The following ZKSCAN2 variants were observed in gnomAD, a reference collection of about 807,000 sequenced individuals.
ZKSCAN2 encodes zinc finger with KRAB and SCAN domains 2.
Under a neutral mutation model 90.5 loss-of-function variants are expected in ZKSCAN2, and 38 were observed. That is an observed-to-expected ratio of 0.42 (90% CI 0.32 to 0.55). ZKSCAN2 has a LOEUF of 0.55. Ranked by LOEUF, ZKSCAN2 falls within the 20% of genes least tolerant of loss-of-function variation. The pLI is 0.11. For synonymous variants in ZKSCAN2, 429 were observed against 421.6 expected, an observed-to-expected ratio of 1.02 and a Z score of -0.22; for missense variants, 1,167 against 1,202.6, an observed-to-expected ratio of 0.97 and a Z score of 0.44.
In ZKSCAN2 at chr16:25,240,483, C is replaced by T; in HGVS notation, c.2237G>A (p.Arg746Lys). The change falls in exon 7 of 7, where the codon AGA becomes AAA. Residue 746 changes from arginine (R) to lysine (K), a missense_variant. Arg to Lys is a conservative substitution (Grantham distance 26, BLOSUM62 2). Transcript: ENST00000328086. ...VVHQRPFVGK[R>K]PYRLLKYGES... ...TCCATATTTGAGAAGTCTGTAGGGT[C>T]TCTTCCCCACAAAAGGCCTCTGATG... 1 of 1,614,148 alleles carries T rather than the reference C, an allele frequency of 6.2e-7. No homozygotes were observed. Among genetic ancestry groups the T allele is most frequent in the Non-Finnish European group, 8.5e-7 (1 of 1,180,026 alleles).
At chr16:25,242,592 C>G (rs186342763) in intron 6 of ZKSCAN2, among the ~76,000 whole-genome samples, 16 of 152,236 alleles carry the variant, frequency 1.1e-4, no homozygotes, top group Admixed American at 9.2e-4. Flanking sequence ...AGAATTTGGA[C>G]ATGGAGATAT....
Position 25,246,826 on chromosome 16 carries a change from T to C in ZKSCAN2, c.1370A>G (p.His457Arg), listed in dbSNP as rs780545200. 1.9e-6 allele frequency: 3 copies of C among 1,614,132 alleles called. No individual in the cohort carries two copies. In the African/African-American group the frequency reaches 4.0e-5, roughly 22 times the overall value. Residue 457 changes from histidine to arginine, a missense_variant, in exon 5 of 7, where the codon CAC becomes CGC. His to Arg is a conservative substitution (Grantham distance 29, BLOSUM62 0). Transcript: ENST00000328086. ...LKRIAISAKE[H>R]ISLVEEEEAA... ...TTCCTCCTCCTCCACCAAGCTGATG[T>C]GTTCCTTAGCACTGATGGCAATTCT...
chr16:25,256,627 A>G, intron 1 of ZKSCAN2, 102 bp downstream of exon 1: 1 of 1,345,216 alleles, frequency 7.4e-7, no homozygotes. Flanking sequence ...AGTACCATTT[A>G]TCTTTCTCTG....
chr16:25,243,747 C>T (rs779765487), intron 6 of ZKSCAN2, 38 bp downstream of exon 6: 104 of 988,536 alleles, frequency 1.1e-4, no homozygotes, highest in Non-Finnish European at 1.3e-4. Flanking sequence ...CACACTTATT[C>T]CTCTTTTGGA....
chr16:25,239,711 CAA>C lies in ZKSCAN2; in HGVS notation c.*103_*104del. On this transcript the variant is annotated 3_prime_UTR_variant, in exon 7 of 7. Coordinates refer to ENST00000328086, the MANE Select transcript of ZKSCAN2 (RefSeq NM_001012981.5). ...AAAGTGTTTAGTTTATTTATATTCT[CAA>C]GTTTATCTTGGAAATTACACTTCAT... 9 of 1,022,802 alleles carry C rather than the reference CAA, an allele frequency of 8.8e-6. No individual in the cohort carries two copies. The highest frequency in any genetic ancestry group is 1.3e-5 in the Non-Finnish European group (9 of 698,714). 63.4% of individuals were successfully genotyped at this position (1,022,802 alleles called of 1,614,324 possible).
At chr16:25,250,712 C>T (rs981047909) in intron 4 of ZKSCAN2, among the ~76,000 whole-genome samples, 3 of 151,956 alleles carry the variant, frequency 2.0e-5, no homozygotes, top group Non-Finnish European at 2.9e-5. Context: ...CATCAAGTTG[C>T]AATATGACAT....
chr16:25,247,050 T>A lies in ZKSCAN2; in HGVS notation c.1146A>T (p.Arg382=). 1 of 1,614,192 alleles carries A rather than the reference T, an allele frequency of 6.2e-7. No homozygotes were observed. The highest frequency in any genetic ancestry group is 8.5e-7 in the Non-Finnish European group (1 of 1,180,040). Residue 382 remains arginine, a synonymous_variant, in exon 5 of 7, where the codon CGA becomes CGT. Transcript: ENST00000328086. ...QVYGAVAEWL[R]ECGFLRTPEQ... ...CTGGGGTTCTAAGGAAGCCACATTC[T>A]CGCAACCATTCAGCCACAGCACCAT...
At position 25,255,214 on chromosome 16, in the gene ZKSCAN2, G is replaced by A; in HGVS notation, c.578C>T (p.Pro193Leu). 6.2e-7 allele frequency: 1 copy of A among 1,603,246 alleles called. No homozygotes were observed. The highest frequency in any genetic ancestry group is 8.5e-7 in the Non-Finnish European group (1 of 1,176,794). Residue 193 changes from proline to leucine, a missense_variant, in exon 2 of 7, where the codon CCC becomes CTC. Pro to Leu is a moderately conservative substitution (Grantham distance 98, BLOSUM62 -3). Transcript: ENST00000328086. Reference sequence around the variant, plus strand: ...CGAGTCTTCCCTCTTACCATTCTTGGGTAAGGGCCGACGTTCTCGCTTTCG... The same window carrying A: ...CGAGTCTTCCCTCTTACCATTCTTGAGTAAGGGCCGACGTTCTCGCTTTCG... ...LNRKRERRPL[P>L]KNARPSPWVP...
rs550262792 is a variant in ZKSCAN2 at position 25,253,551 on chromosome 16, T to C, written c.587-514A>G. 2.6e-5 allele frequency among the ~76,000 whole-genome samples: 4 copies of C among 152,324 alleles called. No individual in the cohort carries two copies. In the South Asian group the frequency reaches 8.3e-4, roughly 32 times the overall value. ...TAAAACAGTATAGTAGTACTGAATC[T>C]TGCCTCTCAGTGAAGGGCTGGGTAA... is the stretch of plus-strand genomic sequence containing the variant. On this transcript the variant is annotated intron_variant, in intron 2 of 6. Transcript: ENST00000328086.
In ZKSCAN2 at chr16:25,243,946, CCT is replaced by C. The variant is rs1211076736; in HGVS notation, c.1818_1819del (p.Gly608TyrfsTer2). ...TTCCTGGGGTTCAACCTCAATACCC[CCT>C]CTTTCTTGCCTTGAAGGTGATGGGA... On this transcript the variant is annotated frameshift_variant, in exon 6 of 7. Transcript: ENST00000328086. LOFTEE classifies it high-confidence loss of function. 6.2e-6 allele frequency: 10 copies of C among 1,614,022 alleles called. No individual in the cohort carries two copies. The highest frequency in any genetic ancestry group is 1.6e-4 in the Middle Eastern group (1 of 6,082).
At chr16:25,255,714 T>C (rs1963090866) in intron 1 of ZKSCAN2, among the ~76,000 whole-genome samples, 1 of 152,214 alleles carries the variant, frequency 6.6e-6, no homozygotes. Flanking sequence ...CCCAAGTAGC[T>C]GGGATTACAG....
In ZKSCAN2 at chr16:25,246,958, A is replaced by G. The variant is rs748332653; in HGVS notation, c.1238T>C (p.Leu413Pro). The change falls in exon 5 of 7, where the codon CTA (leucine) becomes CCA (proline). Residue 413 changes from leucine to proline, a missense_variant. Transcript: ENST00000328086. ...GTCCTCAAAGAAGGCGCAGGGTTCT[A>G]GCATGTGGCCATTTCTCACCTTTCG... Reference protein sequence around the residue: ...SYRKVRNGHMLEPCAFFEDMD... With the variant: ...SYRKVRNGHMPEPCAFFEDMD... 1 of 1,614,184 alleles carries G rather than the reference A, an allele frequency of 6.2e-7. No homozygotes were observed. Among genetic ancestry groups the G allele is most frequent in the Admixed American group, 1.7e-5 (1 of 60,020 alleles).
chr16:25,253,227 G>A (rs1171329628), intron 2 of ZKSCAN2, among the ~76,000 whole-genome samples, 190 bp from the exon 3 acceptor site: 2 of 152,068 alleles, frequency 1.3e-5, no homozygotes, highest in East Asian at 1.9e-4. Context: ...AATGCTTTCC[G>A]GGGGTAAGCA....
At position 25,256,601 on chromosome 16, in the gene ZKSCAN2, T is replaced by C. The variant is rs1597648611; in HGVS notation, c.399+128A>G. 6.9e-6 allele frequency: 7 copies of C among 1,017,898 alleles called. No individual in the cohort carries two copies. In the East Asian group the frequency reaches 1.5e-4, roughly 21 times the overall value. 63.1% of individuals were successfully genotyped at this position (1,017,898 alleles called of 1,614,324 possible). On this transcript the variant is annotated intron_variant, in intron 1 of 6. Transcript: ENST00000328086. ...TTCACTTAAAGTGAAAAGACCCCCT[T>C]ATAGGGTCTTTTATTAGTACCATTT... is the stretch of plus-strand genomic sequence containing the variant.
intron 5 of ZKSCAN2, chr16:25,246,414 T>C: frequency 4.3e-6 from 2 of 466,190 alleles, no homozygotes. Context: ...TACAAGATCC[T>C]TAGAACCCTG....
Position 25,257,069 on chromosome 16 carries a change from A to G in ZKSCAN2, c.59T>C (p.Ile20Thr), listed in dbSNP as rs778927843. 1 of 1,613,948 alleles carries G rather than the reference A, an allele frequency of 6.2e-7. No homozygotes were observed. The highest frequency in any genetic ancestry group is 2.2e-5 in the East Asian group (1 of 44,876). The part of the protein sequence containing the change: ...DAPLEVEGCL[I>T]MKVEKDPEWA... ...CTCAGGGTCCTTTTCCACCTTCATT[A>G]TTAGGCATCCCTCAACCTCCAGGGG... Residue 20 changes from isoleucine to threonine, a missense_variant, in exon 1 of 7, where the codon ATA becomes ACA. Physicochemically the swap from Ile to Thr is moderately conservative, Grantham distance 89. Coordinates refer to ENST00000328086, the MANE Select transcript of ZKSCAN2 (RefSeq NM_001012981.5).
In ZKSCAN2 at chr16:25,252,966, G is replaced by A. The variant is rs768691519; in HGVS notation, c.658C>T (p.Arg220Trp). ...TGTACCTGGGACCCAGCAGGAAGCC[G>A]TGTGGTTGTCACTTCCTGATCTAGG... Reference protein sequence around the residue: ...NTLDQEVTTTRLPAGSQEPVK... With the variant: ...NTLDQEVTTTWLPAGSQEPVK... Residue 220 changes from arginine (R) to tryptophan (W), a missense_variant, in exon 3 of 7, where the codon CGG becomes TGG. By Grantham distance (101) the Arg-to-Trp change is moderately radical. Transcript: ENST00000328086. 1.2e-5 allele frequency: 19 copies of A among 1,613,556 alleles called. No homozygotes were observed. In the Admixed American group the frequency reaches 1.5e-4, roughly 13 times the overall value.
At chr16:25,245,723 T>C (rs542714919) in intron 5 of ZKSCAN2, among the ~76,000 whole-genome samples, 3 of 151,272 alleles carry the variant, frequency 2.0e-5, no homozygotes, top group South Asian at 4.2e-4. Context: ...TGAGCCGAGA[T>C]TGCGCCACTG....
At position 25,257,115 on chromosome 16, in the gene ZKSCAN2, G is replaced by C; in HGVS notation, c.13C>G (p.Leu5Val). The C allele has an allele frequency of 6.2e-7, 1 of 1,602,420 alleles. No homozygotes were observed. The highest frequency in any genetic ancestry group is 1.3e-5 in the African/African-American group (1 of 74,720). The change falls in exon 1 of 7, where the codon CTC becomes GTC. Residue 5 changes from leucine (L) to valine (V), a missense_variant. Transcript: ENST00000328086. ...AGGGGCGCGTCGATCTGAGAGTCGA[G>C]GGCGACAGCCATGCTGCAGCCCAGG... The part of the protein sequence containing the change: MAVA[L>V]DSQIDAPLEV...
Sources: allele counts gnomAD v4.1 joint callset (sites outside exome capture counted in the v4.1 genomes callset), GRCh38; gene constraint gnomAD v4.1.1; transcripts MANE v1.5; gene names NCBI Gene and HGNC (gene_info 2026-07-23, HGNC 2026-07-21).